Variants in MEI4 observed in about 807,000 individuals in gnomAD.
MEI4 encodes the protein meiosis-specific protein MEI4.
MEI4 carries 27 observed loss-of-function variants against 31.4 expected under a neutral mutation model. The ratio of observed to expected loss-of-function variants is 0.86; its 90% CI spans 0.63 to 1.19. The LOEUF is 1.19. Ranked by LOEUF, MEI4 falls within the 50% of genes most tolerant of loss-of-function variation. MEI4 has a pLI of 0.00. For missense variants in MEI4, 329 were observed against 398.9 expected (o/e 0.82, Z 1.49); for synonymous variants, 122 against 145.4 (o/e 0.84, Z 1.16).
chr6:77,741,903 A>C (rs1346158160), intron 2 of MEI4, among the ~76,000 whole-genome samples: 2 of 151,318 alleles, frequency 1.3e-5, no homozygotes, highest in Non-Finnish European at 2.9e-5. Context: ...GTTTACTGAG[A>C]ATGATGATCT....
At chr6:77,737,101 C>T (rs1172883321) in intron 2 of MEI4, among the ~76,000 whole-genome samples, 3 of 152,294 alleles carry the variant, frequency 2.0e-5, no homozygotes, top group East Asian at 3.9e-4. Context: ...AAACATGCTG[C>T]ATTCTGTAGG....
chr6:77,815,366 A>G (rs1311243181), intron 3 of MEI4, among the ~76,000 whole-genome samples: 1 of 152,082 alleles, frequency 6.6e-6, no homozygotes, highest in South Asian at 2.1e-4. Flanking sequence ...TCAATTGTTT[A>G]TCTGTTCTAT....
At chr6:77,751,202 A>G (rs1359987018) in intron 2 of MEI4, among the ~76,000 whole-genome samples, 1 of 152,214 alleles carries the variant, frequency 6.6e-6, no homozygotes, top group Non-Finnish European at 1.5e-5. Flanking sequence ...ATCACAATTA[A>G]AAGAACTGAG....
In MEI4 at chr6:77,924,053, ATT is replaced by A. The variant is rs1491552948; in HGVS notation, c.*708_*709del. 1.3e-5 allele frequency: 2 copies of A among 151,764 alleles called. No individual in the cohort carries two copies. Among genetic ancestry groups the A allele is most frequent in the African/African-American group, 4.8e-5 (2 of 41,404 alleles). The allele number at this position is 151,764 out of a possible 1,614,324, so 9.4% of individuals were successfully genotyped here. On this transcript the variant is annotated 3_prime_UTR_variant, in exon 5 of 5. Coordinates refer to ENST00000684080, the MANE Select transcript of MEI4 (RefSeq NM_001322247.2). The stretch of plus-strand genomic sequence containing the variant: ...TCTTGTAATTGTTAAATAGTATACA[ATT>A]AAGTCACTAGACATATTTTATAAAT...
At chr6:77,832,459 AATT>A (rs1352038305) in intron 4 of MEI4, among the ~76,000 whole-genome samples, 3 of 152,066 alleles carry the variant, frequency 2.0e-5, no homozygotes, top group South Asian at 2.1e-4. Context: ...ATTCAATAAT[AATT>A]ATTATCATAA....
At chr6:77,696,570 T>C (rs1174456567) in intron 2 of MEI4, among the ~76,000 whole-genome samples, 2 of 151,752 alleles carry the variant, frequency 1.3e-5, no homozygotes, top group Non-Finnish European at 2.9e-5. Context: ...ATTACATTTA[T>C]TGATTTGCGT....
At chr6:77,816,455 T>C (rs1340248046) in intron 3 of MEI4, among the ~76,000 whole-genome samples, 1 of 152,142 alleles carries the variant, frequency 6.6e-6, no homozygotes, top group African/African-American at 2.4e-5. Flanking sequence ...TTTACTTTTA[T>C]TTTTAAAATA....
At chr6:77,856,847 G>A (rs9767388) in intron 4 of MEI4, among the ~76,000 whole-genome samples, 7,290 of 151,334 alleles carry the variant, frequency 0.048, 437 homozygotes, top group African/African-American at 0.14. Context: ...CACTGAGCAA[G>A]GCACACCTCT....
chr6:77,853,200 AAAAC>A (rs543245284), intron 4 of MEI4, among the ~76,000 whole-genome samples: 231 of 152,322 alleles, frequency 1.5e-3, no homozygotes, highest in African/African-American at 5.1e-3. Flanking sequence ...TCCACCTCAA[AAAAC>A]AAACAAACAA....
intron 1 of MEI4, among the ~76,000 whole-genome samples, chr6:77,663,045 A>G (rs1768542469): frequency 1.3e-5 from 2 of 152,258 alleles, no homozygotes; most frequent in African/African-American, 2.4e-5. Context: ...TTTGAGATCT[A>G]GAACAGAATA....
chr6:77,748,304 C>G (rs1168303373), intron 2 of MEI4, among the ~76,000 whole-genome samples: 4 of 152,238 alleles, frequency 2.6e-5, no homozygotes, highest in Non-Finnish European at 5.9e-5. Flanking sequence ...CCAGGCATTT[C>G]CATACATCCT....
intron 2 of MEI4, among the ~76,000 whole-genome samples, chr6:77,742,663 G>A (rs1404991863): frequency 6.6e-6 from 1 of 152,218 alleles, no homozygotes; most frequent in Non-Finnish European, 1.5e-5. Flanking sequence ...TGTTGCCATT[G>A]CTTTTGGTGT....
intron 3 of MEI4, among the ~76,000 whole-genome samples, chr6:77,799,902 G>A (rs911444928): frequency 6.6e-6 from 1 of 151,284 alleles, no homozygotes; most frequent in Admixed American, 6.6e-5. Flanking sequence ...CTGTAGCCTT[G>A]TAGTATGATT....
chr6:77,841,334 T>TATATATATA (rs1554168570), intron 4 of MEI4, among the ~76,000 whole-genome samples: 85 of 32,668 alleles, frequency 2.6e-3, no homozygotes, highest in Middle Eastern at 0.026. Context: ...TATATATATA[T>TATATATATA]TTTTTTTTTT....
chr6:77,727,508 G>A (rs1269844675), intron 2 of MEI4, among the ~76,000 whole-genome samples: 1 of 152,124 alleles, frequency 6.6e-6, no homozygotes, highest in Non-Finnish European at 1.5e-5. Context: ...AGACAGTATT[G>A]CCCACTGTGA....
At chr6:77,687,958 GT>G (rs1330026996) in intron 1 of MEI4, among the ~76,000 whole-genome samples, 1 of 152,090 alleles carries the variant, frequency 6.6e-6, no homozygotes, top group Admixed American at 6.6e-5. Context: ...GGGACTGAAA[GT>G]TCCAAGCTTT....
intron 3 of MEI4, among the ~76,000 whole-genome samples, chr6:77,762,836 G>A (rs1464070398): frequency 6.6e-6 from 1 of 152,198 alleles, no homozygotes; most frequent in South Asian, 2.1e-4. Flanking sequence ...TTTGGACATG[G>A]TCAATCAGGA....
chr6:77,807,113 A>C (rs1020994508), intron 3 of MEI4, among the ~76,000 whole-genome samples: 3 of 149,308 alleles, frequency 2.0e-5, no homozygotes, highest in African/African-American at 7.4e-5. Context: ...TTCTTGACAT[A>C]TGCTATTTCT....
chr6:77,726,611 C>T (rs1041549603), intron 2 of MEI4, among the ~76,000 whole-genome samples: 1 of 152,018 alleles, frequency 6.6e-6, no homozygotes, highest in East Asian at 1.9e-4. Flanking sequence ...TGCCCTAAGA[C>T]ATTAAACAGA....
Sources: gnomAD v4.1 joint callset for allele counts (sites outside exome capture counted in the v4.1 genomes callset) on GRCh38, gnomAD v4.1.1 for gene constraint, MANE v1.5 for transcripts, NCBI Gene and HGNC (gene_info 2026-07-23, HGNC 2026-07-21) for gene names.